SCAPER: variants seen among roughly 807,000 people sequenced by gnomAD.
SCAPER encodes the protein S phase cyclin A-associated protein in the endoplasmic reticulum.
Under a neutral mutation model 182.2 loss-of-function variants are expected in SCAPER, and 98 were observed. The observed-to-expected ratio is 0.54, with a 90% CI of 0.46 to 0.64. The LOEUF (loss-of-function observed/expected upper bound fraction) is 0.64. Ranked by LOEUF, SCAPER falls within the 30% of genes least tolerant of loss-of-function variation. SCAPER has a pLI of 0.00. For synonymous variants in SCAPER, 605 were observed against 564.6 expected, an observed-to-expected ratio of 1.07 and a Z score of -1.01; for missense variants, 1,432 against 1,690.0, an observed-to-expected ratio of 0.85 and a Z score of 2.68.
chr15:76,850,084 A>AGGTGAGATTTG lies in SCAPER; in HGVS notation c.195+7714_195+7724dup, dbSNP rs1391365500. Reference sequence around the variant, plus strand: ...TGGGGATTATGGGGATTACAATTCAAGGTGAGATTTGGGTGGGGACACAGA... The same window carrying AGGTGAGATTTG: ...TGGGGATTATGGGGATTACAATTCAAGGTGAGATTTGGGTGAGATTTGGGTGGGGACACAGA... On this transcript the variant is annotated intron_variant, in intron 4 of 31. Transcript: ENST00000563290. Among the ~76,000 whole-genome samples the AGGTGAGATTTG allele has an allele frequency of 2.0e-5, 3 of 152,334 alleles. No homozygotes were observed. The East Asian group carries it at 5.8e-4, about 29-fold the overall frequency.
intron 4 of SCAPER, among the ~76,000 whole-genome samples, chr15:76,844,679 C>T (rs2069863422): frequency 6.6e-6 from 1 of 152,010 alleles, no homozygotes; most frequent in African/African-American, 2.4e-5. Flanking sequence ...AAATCCAAAC[C>T]CTGCACAGAC....
chr15:76,545,369 C>G (rs929101497), intron 23 of SCAPER, among the ~76,000 whole-genome samples: 5 of 152,096 alleles, frequency 3.3e-5, no homozygotes, highest in Non-Finnish European at 7.4e-5. Context: ...CCCAATGACG[C>G]TGGTTCATTT....
chr15:76,873,331 AAGGCAGGC>A (rs56176862), intron 2 of SCAPER, among the ~76,000 whole-genome samples: 6,001 of 83,032 alleles, frequency 0.072, 458 homozygotes, highest in Middle Eastern at 0.12. Flanking sequence ...GGAAGGAAGG[AAGGCAGGC>A]AGGCAGGCAG....
At chr15:76,361,022 T>TAA (rs77923587) in intron 29 of SCAPER, among the ~76,000 whole-genome samples, 12 of 134,654 alleles carry the variant, frequency 8.9e-5, no homozygotes, top group Non-Finnish European at 1.8e-4. Flanking sequence ...AAATTTAAAT[T>TAA]AAAAAAAAAA....
At chr15:76,692,461 G>A (rs1442952017) in intron 20 of SCAPER, among the ~76,000 whole-genome samples, 2 of 152,126 alleles carry the variant, frequency 1.3e-5, no homozygotes, top group Non-Finnish European at 2.9e-5. Flanking sequence ...GGCTGAGGCT[G>A]GTGGATCACA....
At position 76,555,127 on chromosome 15, in the gene SCAPER, C is replaced by A. The variant is rs147479259; in HGVS notation, c.2838+19031G>T. Among the ~76,000 whole-genome samples, 124 of 152,210 alleles carry A rather than the reference C, an allele frequency of 8.1e-4. 1 individual carries two copies. The East Asian group carries it at 0.023, about 28-fold the overall frequency. On this transcript the variant is annotated intron_variant, in intron 23 of 31. Coordinates refer to ENST00000563290, the MANE Select transcript of SCAPER (RefSeq NM_020843.4). ...AAAACTTCAATAAAGAATTTCATAT[C>A]CAGCCAAACTAAGCTTCATAAGCCA... is the stretch of plus-strand genomic sequence containing the variant.
chr15:76,769,410 T>A (rs1278264970), intron 10 of SCAPER, among the ~76,000 whole-genome samples: 5 of 133,232 alleles, frequency 3.8e-5, no homozygotes, highest in African/African-American at 1.4e-4. Flanking sequence ...ACTACTGCAC[T>A]CTGGCCTGGG....
intron 25 of SCAPER, among the ~76,000 whole-genome samples, chr15:76,465,271 C>T (rs928499465): frequency 6.6e-6 from 1 of 152,038 alleles, no homozygotes; most frequent in South Asian, 2.1e-4. Context: ...TCATAGAAGG[C>T]GCTTTCCAGC....
rs181890893 is a variant in SCAPER, at chr15:76,813,225, A to G, written c.394-8592T>C. On this transcript the variant is annotated intron_variant, in intron 5 of 31. Coordinates refer to ENST00000563290, the MANE Select transcript of SCAPER (RefSeq NM_020843.4). ...GGCAGACAGAGTTCAATATCCTTTC[A>G]CTAAAAAAAAAAAAAAAAAAAAAAA... Among the ~76,000 whole-genome samples the G allele has an allele frequency of 3.5e-3, 356 of 102,990 alleles. 4 individuals are homozygous for G. Among genetic ancestry groups the G allele is most frequent in the African/African-American group, 0.01 (293 of 29,270 alleles). 67.6% of individuals were successfully genotyped at this position (102,990 alleles called of 152,430 possible).
chr15:76,413,797 C>T lies in SCAPER; in HGVS notation c.3312-9118G>A, dbSNP rs568708732. ...ATCTGGGCCCACCCTGTGTTGTTTC[C>T]GTGGGACCTGGGGGTAAGAAAAACT... On this transcript the variant is annotated intron_variant, in intron 26 of 31. Transcript: ENST00000563290. Among the ~76,000 whole-genome samples the T allele has an allele frequency of 6.7e-4, 102 of 152,238 alleles. 1 individual carries two copies. The South Asian group carries it at 8.1e-3, about 12-fold the overall frequency.
chr15:76,812,497 A>AAAAAAAAAAAAAAG (rs61243906), intron 5 of SCAPER, among the ~76,000 whole-genome samples: 3 of 122,414 alleles, frequency 2.5e-5, no homozygotes, highest in Non-Finnish European at 5.1e-5. Context: ...AAAAAAAAAA[A>AAAAAAAAAAAAAAG]AAAGAAAGAA....
intron 23 of SCAPER, among the ~76,000 whole-genome samples, chr15:76,570,613 T>C (rs551409737): frequency 1.3e-5 from 2 of 152,276 alleles, no homozygotes; most frequent in Admixed American, 6.5e-5. Context: ...ATAGCAGGCA[T>C]AGTTTTATAA....
chr15:76,719,641 A>G (rs1284889535), intron 17 of SCAPER, among the ~76,000 whole-genome samples: 1 of 152,196 alleles, frequency 6.6e-6, no homozygotes, highest in East Asian at 1.9e-4. Flanking sequence ...CTATATGTAC[A>G]CTACAACATT....
intron 24 of SCAPER, among the ~76,000 whole-genome samples, chr15:76,491,696 A>T (rs1183864607): frequency 6.6e-6 from 1 of 151,952 alleles, no homozygotes; most frequent in East Asian, 1.9e-4. Flanking sequence ...CAGTGGTGTG[A>T]CCTAAGCTCA....
chr15:76,539,860 A>C (rs1597283826), intron 23 of SCAPER, among the ~76,000 whole-genome samples: 1 of 152,268 alleles, frequency 6.6e-6, no homozygotes, highest in East Asian at 1.9e-4. Flanking sequence ...TCAAAATTTC[A>C]ATTCCACATT....
intron 5 of SCAPER, among the ~76,000 whole-genome samples, chr15:76,825,109 T>C (rs1339402799): frequency 1.3e-5 from 2 of 152,164 alleles, no homozygotes; most frequent in African/African-American, 4.8e-5. Flanking sequence ...CACAGTTACC[T>C]CCAAAAAACT....
At chr15:76,756,064 G>A (rs1292531526) in intron 14 of SCAPER, among the ~76,000 whole-genome samples, 1 of 151,984 alleles carries the variant, frequency 6.6e-6, no homozygotes, top group Admixed American at 6.5e-5. Context: ...CCAACATGGT[G>A]AAACCTCGTC....
intron 10 of SCAPER, among the ~76,000 whole-genome samples, chr15:76,767,337 C>T (rs1156945334): frequency 1.3e-5 from 2 of 152,060 alleles, no homozygotes; most frequent in African/African-American, 4.8e-5. Context: ...ATTTACCAGA[C>T]AGCTACGTAT....
chr15:76,584,470 C>A (rs192723424), intron 22 of SCAPER, among the ~76,000 whole-genome samples: 273 of 150,336 alleles, frequency 1.8e-3, no homozygotes, highest in Non-Finnish European at 3.1e-3. Flanking sequence ...TCCCATTTAC[C>A]CTGATGTGAT....
Sources: allele counts gnomAD v4.1 joint callset (sites outside exome capture counted in the v4.1 genomes callset), GRCh38; gene constraint gnomAD v4.1.1; transcripts MANE v1.5; gene names NCBI Gene and HGNC (gene_info 2026-07-23, HGNC 2026-07-21).